RANBP2: variants seen among roughly 807,000 people sequenced by gnomAD.
The protein encoded by RANBP2 is RAN binding protein 2, also known as E3 SUMO-protein ligase RanBP2.
RANBP2 carries 57 observed loss-of-function variants against 303.6 expected under a neutral mutation model. That is an observed-to-expected ratio of 0.19 (90% CI 0.15 to 0.23). The LOEUF is 0.23. Ranked by LOEUF, RANBP2 falls within the 10% of genes least tolerant of loss-of-function variation. The pLI, the probability that RANBP2 is intolerant of heterozygous loss-of-function variation, is 1.00. For synonymous variants in RANBP2, 1,167 were observed against 1,301.5 expected (o/e 0.90, Z 2.23); for missense variants, 3,138 against 3,780.8 (o/e 0.83, Z 4.46).
chr2:109,202,994 G>C, the RANBP2 span, among the ~76,000 whole-genome samples: 130,783 of 152,244 alleles, frequency 0.86, 56,328 homozygotes, highest in African/African-American at 0.91. Context: ...GCCTAACAAG[G>C]TAACACTTGG....
the RANBP2 span, among the ~76,000 whole-genome samples, chr2:109,419,218 A>G: frequency 6.6e-6 from 1 of 152,202 alleles, no homozygotes; most frequent in Non-Finnish European, 1.5e-5. Context: ...AAACACAATA[A>G]TAATTAATTC....
the RANBP2 span, among the ~76,000 whole-genome samples, chr2:109,549,984 A>G: frequency 2.0e-4 from 31 of 152,280 alleles, no homozygotes; most frequent in African/African-American, 6.7e-4. Flanking sequence ...TTTTGTAAAC[A>G]CTACTTTTAA....
the RANBP2 span, among the ~76,000 whole-genome samples, chr2:109,211,299 A>T: frequency 6.6e-6 from 1 of 152,228 alleles, no homozygotes; most frequent in Non-Finnish European, 1.5e-5. Context: ...CATTGGTTAC[A>T]AGCCTGGATT....
chr2:109,134,565 G>C, the RANBP2 span, among the ~76,000 whole-genome samples: 1 of 152,206 alleles, frequency 6.6e-6, no homozygotes, highest in Non-Finnish European at 1.5e-5. Flanking sequence ...GGTGTTTTAA[G>C]TGTGGCTCAT....
the RANBP2 span, chr2:109,436,930 G>A: frequency 6.2e-7 from 1 of 1,613,684 alleles, no homozygotes; most frequent in East Asian, 2.2e-5. Context: ...CCGGAATAAT[G>A]TAGTCGGAGG....
the RANBP2 span, among the ~76,000 whole-genome samples, chr2:108,886,606 C>T: frequency 6.6e-6 from 1 of 151,850 alleles, no homozygotes; most frequent in Admixed American, 6.6e-5. Flanking sequence ...ATAGAGACGG[C>T]TTTCACTGCA....
chr2:109,341,436 A>G, the RANBP2 span, among the ~76,000 whole-genome samples: 1 of 152,230 alleles, frequency 6.6e-6, no homozygotes, highest in African/African-American at 2.4e-5. Context: ...AGATGACAGC[A>G]CATAAATGAT....
At chr2:108,880,355 A>G in the RANBP2 span, among the ~76,000 whole-genome samples, 1 of 152,208 alleles carries the variant, frequency 6.6e-6, no homozygotes, top group Non-Finnish European at 1.5e-5. Flanking sequence ...AACTTGATCT[A>G]TAGATACAAT....
the RANBP2 span, among the ~76,000 whole-genome samples, chr2:108,814,900 T>C: frequency 1.3e-5 from 2 of 152,166 alleles, no homozygotes; most frequent in African/African-American, 4.8e-5. Context: ...CCTCCCAAAG[T>C]GCTGGGATTA....
At chr2:109,197,429 T>C in the RANBP2 span, among the ~76,000 whole-genome samples, 1 of 152,172 alleles carries the variant, frequency 6.6e-6, no homozygotes, top group African/African-American at 2.4e-5. Flanking sequence ...TTAATTTCTC[T>C]TATCTTGTTT....
At chr2:109,644,759 A>G in the RANBP2 span, among the ~76,000 whole-genome samples, 1 of 152,084 alleles carries the variant, frequency 6.6e-6, no homozygotes, top group Non-Finnish European at 1.5e-5. Context: ...CCTGCCCTCC[A>G]CTTTTCTTAG....
the RANBP2 span, among the ~76,000 whole-genome samples, chr2:109,708,811 A>C: frequency 2.0e-5 from 3 of 151,018 alleles, no homozygotes; most frequent in African/African-American, 7.3e-5. Context: ...CCCTGTCTCT[A>C]CTAAAAATAC....
At position 108,751,330 on chromosome 2, in the gene RANBP2, T is replaced by C. The variant is rs539147212; in HGVS notation, c.1340T>C (p.Leu447Ser). ...TGGCTTGGCTTACAGTGGAATTCAT[T>C]GCCTGCTTTACCTGGAATCCGAAAA... ...LTWLGLQWNS[L>S]PALPGIRKWL... Residue 447 changes from leucine (L) to serine (S), a missense_variant, in exon 10 of 29, where the codon TTG (leucine) becomes TCG (serine). Coordinates refer to ENST00000283195, the MANE Select transcript of RANBP2 (RefSeq NM_006267.5). The C allele has an allele frequency of 1.2e-5, 19 of 1,611,986 alleles. No individual in the cohort carries two copies. The African/African-American group carries it at 2.1e-4, about 18-fold the overall frequency.
the RANBP2 span, among the ~76,000 whole-genome samples, chr2:108,856,000 A>G: frequency 1.3e-5 from 2 of 152,162 alleles, no homozygotes; most frequent in African/African-American, 2.4e-5. Context: ...AAACTTGATT[A>G]TTGTACATTA....
At chr2:109,712,953 C>T in the RANBP2 span, among the ~76,000 whole-genome samples, 1 of 152,136 alleles carries the variant, frequency 6.6e-6, no homozygotes, top group Non-Finnish European at 1.5e-5. Context: ...CCCTGCATGG[C>T]CCTGTATTGG....
the RANBP2 span, among the ~76,000 whole-genome samples, chr2:109,353,380 C>T: frequency 6.6e-6 from 1 of 152,228 alleles, no homozygotes; most frequent in Non-Finnish European, 1.5e-5. Flanking sequence ...CTACCCTCTC[C>T]CGCTGTGGGA....
the RANBP2 span, chr2:109,665,601 A>C: frequency 1.3e-5 from 2 of 152,240 alleles, no homozygotes; most frequent in Non-Finnish European, 2.9e-5. Context: ...TCAGCTTTCC[A>C]AAGTGCTGGG....
the RANBP2 span, among the ~76,000 whole-genome samples, chr2:109,763,496 A>G: frequency 1.3e-5 from 2 of 150,454 alleles, 1 homozygote; most frequent in Admixed American, 1.4e-4. Context: ...CTCTCAGCTT[A>G]TAAGGACAGC....
the RANBP2 span, among the ~76,000 whole-genome samples, chr2:109,272,582 C>T: frequency 3.3e-5 from 5 of 152,344 alleles, no homozygotes; most frequent in East Asian, 3.9e-4. Context: ...TCAGAGCGCT[C>T]GTTCCTTTGG....
Sources: gnomAD v4.1 joint callset for allele counts (sites outside exome capture counted in the v4.1 genomes callset) on GRCh38, gnomAD v4.1.1 for gene constraint, MANE v1.5 for transcripts, NCBI Gene and HGNC (gene_info 2026-07-23, HGNC 2026-07-21) for gene names.